TLCD4: variants seen among roughly 807,000 people sequenced by gnomAD.
The protein encoded by TLCD4 is TLC domain containing 4.
In TLCD4, 7 loss-of-function variants were observed where a neutral mutation model predicts 24.2. The observed-to-expected ratio is 0.29, with a 90% CI of 0.16 to 0.54. TLCD4 has a LOEUF of 0.54. Among genes scored for constraint, TLCD4 ranks in the 20% least tolerant of loss-of-function variants. The probability of loss-of-function intolerance (pLI) is 0.95; values close to 1 mark genes in which losing one functional copy is unlikely to be tolerated. For missense variants in TLCD4, 259 were observed against 313.9 expected (o/e 0.82, Z 1.32); for synonymous variants, 103 against 106.4 (o/e 0.97, Z 0.20).
chr1:95,137,751 C>G (rs986061394), intron 1 of TLCD4, among the ~76,000 whole-genome samples: 1 of 129,456 alleles, frequency 7.7e-6, no homozygotes, highest in African/African-American at 2.8e-5. Flanking sequence ...CTCTTTTTTT[C>G]TGAAACAGCG....
At chr1:95,104,663 C>CAAAAAAAAA in the TLCD4 span, among the ~76,000 whole-genome samples, 16 of 40,612 alleles carry the variant, frequency 3.9e-4, no homozygotes, top group East Asian at 1.5e-3. Context: ...GACTCCGTCT[C>CAAAAAAAAA]AAAAAAAAAA....
Position 95,195,812 on chromosome 1 carries a change from A to G in TLCD4, c.*3944A>G, listed in dbSNP as rs913269492. On this transcript the variant is annotated 3_prime_UTR_variant, in exon 7 of 7. Coordinates refer to ENST00000370203, the MANE Select transcript of TLCD4 (RefSeq NM_152487.3). ...GGCATTGAGAGTGCTTTTCCCTTAA[A>G]CGCCGTGATAGTCCTCCCTTGATCT... 3.9e-5 allele frequency: 6 copies of G among 152,230 alleles called. No homozygotes were observed. Among genetic ancestry groups the G allele is most frequent in the African/African-American group, 1.4e-4 (6 of 41,536 alleles). 9.4% of individuals were successfully genotyped at this position (152,230 alleles called of 1,614,324 possible).
intron 6 of TLCD4, among the ~76,000 whole-genome samples, chr1:95,183,265 T>C (rs1678710264): frequency 6.6e-6 from 1 of 152,054 alleles, no homozygotes; most frequent in African/African-American, 2.4e-5. Flanking sequence ...TGAAATGAAA[T>C]TGGCAATGAA....
chr1:95,185,458 G>GT (rs1313648110), intron 6 of TLCD4, among the ~76,000 whole-genome samples: 14 of 152,150 alleles, frequency 9.2e-5, no homozygotes, highest in African/African-American at 3.1e-4. Flanking sequence ...GGTTTGAACT[G>GT]TATGAGTCCA....
rs1283075430 is a variant in TLCD4, at chr1:95,196,941, A to G, written c.*5073A>G. The G allele has an allele frequency of 6.6e-6, 1 of 152,102 alleles. No individual in the cohort carries two copies. The highest frequency in any genetic ancestry group is 1.5e-5 in the Non-Finnish European group (1 of 68,016). 9.4% of individuals were successfully genotyped at this position (152,102 alleles called of 1,614,324 possible). A position where few individuals can be genotyped will look rare whatever the true frequency, so the allele number is the denominator to read the frequency against. ...ATACTCTCACTAACTTGTAAATAGG[A>G]TAAGTTATGAGATTTTTTGGTATTA... On this transcript the variant is annotated 3_prime_UTR_variant, in exon 7 of 7. Transcript: ENST00000370203.
Position 95,176,165 on chromosome 1 carries a change from A to C in TLCD4, c.473+2276A>C, listed in dbSNP as rs531018045. Among the ~76,000 whole-genome samples the C allele has an allele frequency of 2.7e-5, 4 of 150,356 alleles. No individual in the cohort carries two copies. The South Asian group carries it at 6.3e-4, about 24-fold the overall frequency. ...CTTGGCCATTTGTATATCTTTAAAG[A>C]ATTGCCTGTTCAAGTTCTTTGCCAA... On this transcript the variant is annotated intron_variant, in intron 6 of 6. Transcript: ENST00000370203.
At chr1:95,151,207 A>G (rs1677482561) in intron 4 of TLCD4, 118 bp from the exon 5 acceptor site, 1 of 998,030 alleles carries the variant, frequency 1.0e-6, no homozygotes, top group South Asian at 1.4e-5. Flanking sequence ...GGGATGAACA[A>G]AGTGCTGTGG....
chr1:95,178,565 T>C (rs1042818242), intron 6 of TLCD4, among the ~76,000 whole-genome samples: 3 of 47,842 alleles, frequency 6.3e-5, no homozygotes, highest in Admixed American at 2.3e-4. Context: ...GCCCAGCCCT[T>C]TTTTTTTTTT....
the TLCD4 span, among the ~76,000 whole-genome samples, chr1:95,098,344 T>A: frequency 6.6e-6 from 1 of 152,232 alleles, no homozygotes; most frequent in Non-Finnish European, 1.5e-5. Flanking sequence ...CATTGTTTCC[T>A]CATTTCCTCC....
At chr1:95,156,988 AC>A (rs1241196040) in intron 5 of TLCD4, among the ~76,000 whole-genome samples, 1 of 152,154 alleles carries the variant, frequency 6.6e-6, no homozygotes, top group Admixed American at 6.6e-5. Flanking sequence ...TAGAAAGAGA[AC>A]CATAAAAGAA....
the TLCD4 span, among the ~76,000 whole-genome samples, chr1:95,110,483 A>T: frequency 6.6e-6 from 1 of 152,148 alleles, no homozygotes; most frequent in Non-Finnish European, 1.5e-5. Flanking sequence ...ACATTATGTT[A>T]AATTCATTGA....
Position 95,196,014 on chromosome 1 carries a change from A to T in TLCD4, c.*4146A>T, listed in dbSNP as rs1347133157. 1.3e-5 allele frequency: 2 copies of T among 152,144 alleles called. No homozygotes were observed. Among genetic ancestry groups the T allele is most frequent in the Non-Finnish European group, 2.9e-5 (2 of 68,004 alleles). The allele number at this position is 152,144 out of a possible 1,614,324, so 9.4% of individuals were successfully genotyped here. ...TAAAAGTTTACAAATAGGTTCTCTC[A>T]TTGAAAAAAAGCATTGTAGTAAAGT... On this transcript the variant is annotated 3_prime_UTR_variant, in exon 7 of 7. Coordinates refer to ENST00000370203, the MANE Select transcript of TLCD4 (RefSeq NM_152487.3).
chr1:95,165,773 T>G (rs1677999772), intron 5 of TLCD4, among the ~76,000 whole-genome samples: 1 of 152,156 alleles, frequency 6.6e-6, no homozygotes, highest in South Asian at 2.1e-4. Flanking sequence ...GCCTAGTATA[T>G]GTATGTTTTA....
At chr1:95,186,477 G>T (rs1399338337) in intron 6 of TLCD4, among the ~76,000 whole-genome samples, 1 of 152,178 alleles carries the variant, frequency 6.6e-6, no homozygotes, top group East Asian at 1.9e-4. Context: ...GGAAGTGAAA[G>T]CGTGGAGGCT....
intron 6 of TLCD4, among the ~76,000 whole-genome samples, chr1:95,177,502 A>G (rs1231348983): frequency 1.3e-5 from 2 of 152,196 alleles, no homozygotes; most frequent in Admixed American, 1.3e-4. Flanking sequence ...GACAATTGAC[A>G]GGGCTCCCTA....
intron 1 of TLCD4, among the ~76,000 whole-genome samples, chr1:95,126,179 C>T (rs1676728980): frequency 6.6e-6 from 1 of 151,736 alleles, no homozygotes; most frequent in South Asian, 2.1e-4. Context: ...CTAATCCCAG[C>T]ACTTTGGGAG....
chr1:95,100,734 T>A, the TLCD4 span, among the ~76,000 whole-genome samples: 52 of 152,192 alleles, frequency 3.4e-4, no homozygotes, highest in Admixed American at 3.4e-3. Flanking sequence ...GGTTGTAACA[T>A]CTGCCTGGTT....
chr1:95,153,494 A>G (rs1299692969), intron 5 of TLCD4, among the ~76,000 whole-genome samples: 1 of 152,200 alleles, frequency 6.6e-6, no homozygotes. Context: ...ATTTAGGTTC[A>G]ACGATGCATA....
intron 5 of TLCD4, among the ~76,000 whole-genome samples, chr1:95,160,615 C>T (rs1228510936): frequency 2.0e-5 from 3 of 152,104 alleles, no homozygotes; most frequent in Non-Finnish European, 1.5e-5. Flanking sequence ...CCAGTTTTTG[C>T]CCATTCGGTA....
Sources: gnomAD v4.1 joint callset for allele counts (sites outside exome capture counted in the v4.1 genomes callset) on GRCh38, gnomAD v4.1.1 for gene constraint, MANE v1.5 for transcripts, NCBI Gene and HGNC (gene_info 2026-07-23, HGNC 2026-07-21) for gene names.